The following MGAM variants were observed in gnomAD, a reference collection of about 807,000 sequenced individuals.
MGAM encodes alpha-1,4-glucosidase.
A neutral mutation model predicts 358.8 loss-of-function variants in MGAM; 253 were observed. The ratio of observed to expected loss-of-function variants is 0.71; its 90% CI spans 0.64 to 0.78. The LOEUF is 0.78. Among genes scored for constraint, MGAM ranks in the 30% least tolerant of loss-of-function variants. The pLI, the probability that MGAM is intolerant of heterozygous loss-of-function variation, is 0.00. For synonymous variants in MGAM, 1,105 were observed against 1,227.1 expected (o/e 0.90, Z 2.08); for missense variants, 3,080 against 3,432.6 (o/e 0.90, Z 2.57).
chr7:142,018,320 T>A (rs1427177921), intron 3 of MGAM, among the ~76,000 whole-genome samples: 3 of 152,178 alleles, frequency 2.0e-5, no homozygotes, highest in Admixed American at 2.0e-4. Flanking sequence ...CCTCAGTTCC[T>A]TACCATGTGA....
At chr7:142,061,414 C>G (rs1432540656) in intron 34 of MGAM, among the ~76,000 whole-genome samples, 1 of 152,152 alleles carries the variant, frequency 6.6e-6, no homozygotes, top group Admixed American at 6.5e-5. Context: ...AAAAGGCATC[C>G]CTGGCATGCC....
intron 31 of MGAM, among the ~76,000 whole-genome samples, chr7:142,058,801 C>T (rs1471371561): frequency 6.6e-6 from 1 of 152,184 alleles, no homozygotes; most frequent in East Asian, 1.9e-4. Context: ...GATGGGTTTC[C>T]AGAGGACATA....
intron 70 of MGAM, among the ~76,000 whole-genome samples, chr7:142,105,460 G>A (rs1450402909): frequency 2.0e-5 from 3 of 152,056 alleles, no homozygotes; most frequent in Non-Finnish European, 2.9e-5. Flanking sequence ...GCTAATTTTT[G>A]TATTTTTATT....
At chr7:142,010,799 G>C (rs1805537457) in intron 3 of MGAM, among the ~76,000 whole-genome samples, 1 of 152,000 alleles carries the variant, frequency 6.6e-6, no homozygotes, top group Non-Finnish European at 1.5e-5. Flanking sequence ...GGTTCACTTA[G>C]GCTATACTTC....
At chr7:142,105,568 G>A (rs950433113) in intron 70 of MGAM, among the ~76,000 whole-genome samples, 6 of 152,160 alleles carry the variant, frequency 3.9e-5, no homozygotes, top group Admixed American at 2.0e-4. Context: ...GATTACCGGC[G>A]TGAGCCACCG....
chr7:142,076,827 G>A lies in MGAM; in HGVS notation c.5493+1G>A. Reference sequence around the variant, plus strand: ...AGTCACTTATGATTCTAACCTGAAGGTAAAAACCCATTTTGTTGAGATGGT... The same window carrying A: ...AGTCACTTATGATTCTAACCTGAAGATAAAAACCCATTTTGTTGAGATGGT... On this transcript the variant is annotated splice_donor_variant, in intron 47 of 70. Transcript: ENST00000475668. LOFTEE classifies it high-confidence loss of function. 6.4e-7 allele frequency: 1 copy of A among 1,551,834 alleles called. No individual in the cohort carries two copies. Among genetic ancestry groups the A allele is most frequent in the Non-Finnish European group, 8.9e-7 (1 of 1,129,152 alleles).
At chr7:142,012,107 C>A (rs1554454551) in intron 3 of MGAM, among the ~76,000 whole-genome samples, 1 of 152,078 alleles carries the variant, frequency 6.6e-6, no homozygotes, top group Non-Finnish European at 1.5e-5. Flanking sequence ...TCTAAAATTC[C>A]TGCTCTATTT....
chr7:142,057,237 G>T lies in MGAM; in HGVS notation c.3693+295G>T, dbSNP rs566019399. Among the ~76,000 whole-genome samples, 19 of 151,848 alleles carry T rather than the reference G, an allele frequency of 1.3e-4. No homozygotes were observed. In the South Asian group the frequency reaches 4.0e-3, roughly 32 times the overall value. ...GTGATGATGGCAGTAGGGGCTGACG[G>T]TGGTGATAGTGATGTGGGAATGGTG... On this transcript the variant is annotated intron_variant, in intron 30 of 70. Transcript: ENST00000475668.
intron 1 of MGAM, among the ~76,000 whole-genome samples, chr7:141,996,588 G>T (rs138725748): frequency 5.1e-4 from 77 of 152,286 alleles, no homozygotes; most frequent in African/African-American, 1.6e-3. Context: ...TGAGAGAAAT[G>T]AATAAAAGGA....
intron 2 of MGAM, among the ~76,000 whole-genome samples, chr7:142,007,046 A>G (rs1805221246): frequency 6.6e-6 from 1 of 151,922 alleles, no homozygotes. Flanking sequence ...TTTCCACCCA[A>G]GCTTCACCGT....
chr7:142,040,736 A>G lies in MGAM; in HGVS notation c.2388A>G (p.Arg796=). 1.2e-6 allele frequency: 2 copies of G among 1,613,222 alleles called. No homozygotes were observed. Among genetic ancestry groups the G allele is most frequent in the Non-Finnish European group, 1.7e-6 (2 of 1,179,530 alleles). ...GCATGCATCAGGGGAGCCAAGTGAG[A>G]TGGAGGAAGCAAAAAGTCGAGATGG... The part of the protein sequence containing the change: ...WYDYETGSQV[R]WRKQKVEMEL... The change falls in exon 21 of 71, where the codon AGA becomes AGG. Residue 796 remains arginine, a synonymous_variant. Coordinates refer to ENST00000475668, the MANE Select transcript of MGAM (RefSeq NM_001365693.1).
chr7:142,025,106 T>G lies in MGAM; in HGVS notation c.939T>G (p.Ser313Arg). The G allele has an allele frequency of 6.2e-7, 1 of 1,613,566 alleles. No individual in the cohort carries two copies. The highest frequency in any genetic ancestry group is 8.5e-7 in the Non-Finnish European group (1 of 1,179,518). The stretch of plus-strand genomic sequence containing the variant: ...TCTTCTTGTGCCTTGAAGATGCTAG[T>G]GGATTGTCCTTTGGGGTGTTTCTGA... ...QTFFLCLEDA[S>R]GLSFGVFLMN... The change falls in exon 8 of 71, where the codon AGT becomes AGG. Residue 313 changes from serine to arginine, a missense_variant. Ser to Arg is a moderately radical substitution (Grantham distance 110, BLOSUM62 -1). Coordinates refer to ENST00000475668, the MANE Select transcript of MGAM (RefSeq NM_001365693.1).
chr7:142,029,235 C>G (rs146963428), intron 10 of MGAM, among the ~76,000 whole-genome samples: 1 of 152,034 alleles, frequency 6.6e-6, no homozygotes, highest in Admixed American at 6.6e-5. Flanking sequence ...TGGCAGGTGC[C>G]TGTAATCCCA....
chr7:141,998,905 TTC>T (rs1271017421), intron 1 of MGAM, among the ~76,000 whole-genome samples: 1 of 152,206 alleles, frequency 6.6e-6, no homozygotes, highest in Non-Finnish European at 1.5e-5. Context: ...ATAGTAATAA[TTC>T]TTATATTTCA....
chr7:142,002,540 C>G (rs1303609272), intron 1 of MGAM, among the ~76,000 whole-genome samples: 1 of 151,632 alleles, frequency 6.6e-6, no homozygotes, highest in African/African-American at 2.4e-5. Flanking sequence ...TAAAAAAAAA[C>G]CCTTAAAAAC....
Position 142,022,318 on chromosome 7 carries a change from T to C in MGAM, c.761T>C (p.Leu254Pro), listed in dbSNP as rs1753487870. 1 of 1,612,794 alleles carries C rather than the reference T, an allele frequency of 6.2e-7. No homozygotes were observed. ...PLLFADQFLQ[L>P]STRLPSTNVY... ...CTGTTTGCTGACCAGTTCTTGCAGC[T>C]CTCCACTCGACTGCCTAGCACTAAC... is the stretch of plus-strand genomic sequence containing the variant. Residue 254 changes from leucine to proline, a missense_variant, in exon 7 of 71, where the codon CTC (leucine) becomes CCC (proline). By Grantham distance (98) the Leu-to-Pro change is moderately conservative (BLOSUM62 -3). Transcript: ENST00000475668.
intron 34 of MGAM, among the ~76,000 whole-genome samples, chr7:142,062,304 C>G (rs186188831): frequency 1.3e-5 from 2 of 152,118 alleles, no homozygotes; most frequent in Non-Finnish European, 1.5e-5. Context: ...GTCACTAGTT[C>G]GGGTCATTGA....
In MGAM at chr7:141,995,888, C is replaced by T. The variant is rs1339239794; in HGVS notation, c.-45C>T. The stretch of plus-strand genomic sequence containing the variant: ...GTGCTCCTCTGCTTTTATTGCTAAG[C>T]CATCCTTCAGACAGAGAGGGAGCGG... On this transcript the variant is annotated 5_prime_UTR_variant, in exon 1 of 71. Transcript: ENST00000475668. 6.6e-6 allele frequency: 1 copy of T among 152,172 alleles called. No individual in the cohort carries two copies. The highest frequency in any genetic ancestry group is 1.5e-5 in the Non-Finnish European group (1 of 68,048). 9.4% of individuals were successfully genotyped at this position (152,172 alleles called of 1,614,324 possible). A position where few individuals can be genotyped will look rare whatever the true frequency, so the allele number is the denominator to read the frequency against.
chr7:142,057,018 A>G, intron 30 of MGAM, 76 bp downstream of exon 30: 1 of 1,340,318 alleles, frequency 7.5e-7, no homozygotes, highest in South Asian at 1.4e-5. Flanking sequence ...TGATTAGTAT[A>G]ACTCTCAGTT....
Sources: gnomAD v4.1 joint callset for allele counts (sites outside exome capture counted in the v4.1 genomes callset) on GRCh38, gnomAD v4.1.1 for gene constraint, MANE v1.5 for transcripts, NCBI Gene and HGNC (gene_info 2026-07-23, HGNC 2026-07-21) for gene names.